AKAP13: variants seen among roughly 807,000 people sequenced by gnomAD.
AKAP13 encodes the protein A-kinase anchoring protein 13, also known as A-kinase anchor protein 13.
In AKAP13, 80 loss-of-function variants were observed where a neutral mutation model predicts 264.5. That is an observed-to-expected ratio of 0.30 (90% CI 0.25 to 0.36). AKAP13 has a LOEUF of 0.36. Ranked by LOEUF, AKAP13 falls within the 10% of genes least tolerant of loss-of-function variation. The probability of loss-of-function intolerance (pLI) is 1.00; values close to 1 mark genes in which losing one functional copy is unlikely to be tolerated. For synonymous variants in AKAP13, 1,380 were observed against 1,250.2 expected, an observed-to-expected ratio of 1.10 and a Z score of -2.19; for missense variants, 3,712 against 3,435.2, an observed-to-expected ratio of 1.08 and a Z score of -2.01.
intron 5 of AKAP13, among the ~76,000 whole-genome samples, chr15:85,560,326 A>G (rs4843069): frequency 1 from 152,062 of 152,062 alleles, 76,031 homozygotes; most frequent in Non-Finnish European, 1. Context: ...TTTTTTTGCA[A>G]AGAGTGGGGG....
chr15:85,509,881 C>CT (rs1368534504), intron 2 of AKAP13, among the ~76,000 whole-genome samples: 1 of 152,234 alleles, frequency 6.6e-6, no homozygotes, highest in Non-Finnish European at 1.5e-5. Context: ...TTTGTAGCCT[C>CT]TGTCACCTCC....
chr15:85,484,835 T>G (rs1223814183), intron 1 of AKAP13, among the ~76,000 whole-genome samples: 1 of 152,242 alleles, frequency 6.6e-6, no homozygotes, highest in East Asian at 1.9e-4. Context: ...TGTTTTTGCA[T>G]GTATGAATGA....
chr15:85,622,432 C>G (rs761742732), intron 8 of AKAP13, among the ~76,000 whole-genome samples: 5 of 152,108 alleles, frequency 3.3e-5, no homozygotes, highest in Non-Finnish European at 5.9e-5. Flanking sequence ...TGGATGGGAG[C>G]ACCTTGAGTG....
chr15:85,554,876 C>G (rs2078086771), intron 5 of AKAP13, among the ~76,000 whole-genome samples: 1 of 152,144 alleles, frequency 6.6e-6, no homozygotes, highest in Non-Finnish European at 1.5e-5. Context: ...AGCTTATGCT[C>G]TAACAATTAC....
chr15:85,449,613 TGA>T (rs2074014315), intron 1 of AKAP13, among the ~76,000 whole-genome samples: 1 of 152,196 alleles, frequency 6.6e-6, no homozygotes, highest in African/African-American at 2.4e-5. Context: ...CCTAGTTTAT[TGA>T]GAGTTTTTAA....
At chr15:85,691,201 A>G (rs535465145) in intron 16 of AKAP13, among the ~76,000 whole-genome samples, 3 of 152,320 alleles carry the variant, frequency 2.0e-5, no homozygotes, top group Non-Finnish European at 2.9e-5. Context: ...GGACATAACA[A>G]TGGTATTGAC....
intron 5 of AKAP13, among the ~76,000 whole-genome samples, chr15:85,549,558 A>G (rs373722550): frequency 1.3e-5 from 2 of 152,210 alleles, no homozygotes; most frequent in African/African-American, 4.8e-5. Flanking sequence ...TGAAATAGGC[A>G]TTATCTGTGT....
intron 2 of AKAP13, among the ~76,000 whole-genome samples, chr15:85,504,616 TG>T (rs1292368691): frequency 7.0e-6 from 1 of 142,874 alleles, no homozygotes; most frequent in African/African-American, 2.7e-5. Flanking sequence ...TGCTCAAGCC[TG>T]GAAGATCGAA....
At position 85,497,096 on chromosome 15, in the gene AKAP13, TC is replaced by T. The variant is rs766216163; in HGVS notation, c.33+11344del. 1.2e-4 allele frequency among the ~76,000 whole-genome samples: 18 copies of T among 152,344 alleles called. 1 individual carries two copies. The East Asian group carries it at 3.5e-3, about 29-fold the overall frequency. ...CAATAACTGGGTGTTTGCCAAGCTA[TC>T]ACATAACAGTGAGGGGATTAAAATT... On this transcript the variant is annotated intron_variant, in intron 2 of 36. Transcript: ENST00000394518.
intron 8 of AKAP13, among the ~76,000 whole-genome samples, chr15:85,606,180 C>T (rs184150527): frequency 2.1e-5 from 3 of 142,186 alleles, no homozygotes; most frequent in Admixed American, 1.5e-4. Context: ...TGGCTCACTG[C>T]AACCTCCGCC....
intron 1 of AKAP13, among the ~76,000 whole-genome samples, chr15:85,383,820 C>A (rs184821486): frequency 6.6e-6 from 1 of 152,166 alleles, no homozygotes; most frequent in Non-Finnish European, 1.5e-5. Flanking sequence ...TTACCTTAGT[C>A]TTGGCAAATA....
intron 1 of AKAP13, among the ~76,000 whole-genome samples, chr15:85,430,329 G>T (rs1195304343): frequency 6.6e-6 from 1 of 152,154 alleles, no homozygotes; most frequent in African/African-American, 2.4e-5. Context: ...GTTATTTTCT[G>T]CCTTATAGTA....
rs1368997410 is a variant in AKAP13 at position 85,579,285 on chromosome 15, A to G, written c.1217A>G (p.Asp406Gly). 1 of 1,614,226 alleles carries G rather than the reference A, an allele frequency of 6.2e-7. No individual in the cohort carries two copies. Residue 406 changes from aspartate (D) to glycine (G), a missense_variant, in exon 7 of 37, where the codon GAT (aspartate) becomes GGT (glycine). Physicochemically the swap from Asp to Gly is moderately conservative, Grantham distance 94. This residue lies in a region of AKAP13 where 2,759 missense variants were observed against 2,411.7 expected (regional missense o/e 1.14). Coordinates refer to ENST00000394518, the MANE Select transcript of AKAP13 (RefSeq NM_007200.5). ...DQDSCLQSLPDCGVKGTEGLS... is the reference protein window; with the variant it reads ...DQDSCLQSLPGCGVKGTEGLS... ...GACAGCTGCCTTCAGAGCTTGCCTG[A>G]TTGTGGAGTAAAGGGCACGGAAGGC...
chr15:85,442,455 TATAATATAC>T (rs1214337711), intron 1 of AKAP13, among the ~76,000 whole-genome samples: 8 of 123,796 alleles, frequency 6.5e-5, no homozygotes, highest in African/African-American at 1.5e-4. Flanking sequence ...AATATACATA[TATAATATAC>T]ATAATATATA....
intron 30 of AKAP13, among the ~76,000 whole-genome samples, chr15:85,730,997 C>CTT (rs71468134): frequency 0.063 from 3,662 of 57,714 alleles, 128 homozygotes; most frequent in East Asian, 0.11. Flanking sequence ...GTCACTTATG[C>CTT]TTTTTTTTTT....
intron 1 of AKAP13, among the ~76,000 whole-genome samples, chr15:85,438,637 A>C (rs2073453652): frequency 6.7e-6 from 1 of 148,988 alleles, no homozygotes; most frequent in Admixed American, 6.7e-5. Context: ...TCAATGGAAC[A>C]GAACAGAGCC....
intron 1 of AKAP13, among the ~76,000 whole-genome samples, chr15:85,474,156 A>G (rs1596291344): frequency 6.6e-6 from 1 of 152,242 alleles, no homozygotes; most frequent in Non-Finnish European, 1.5e-5. Flanking sequence ...ACTCTCCATC[A>G]GCAGGAGTAG....
chr15:85,745,628 CCAGA>C lies in AKAP13; in HGVS notation c.*955_*958del, dbSNP rs1567229310. On this transcript the variant is annotated 3_prime_UTR_variant, in exon 37 of 37. Coordinates refer to ENST00000394518, the MANE Select transcript of AKAP13 (RefSeq NM_007200.5). The stretch of plus-strand genomic sequence containing the variant: ...TTCCTGAGCCCCCGTCGTGCCTCTC[CCAGA>C]CAGCAGCTGTCTGGCCCTTGCTGGG... The C allele has an allele frequency of 6.6e-6, 1 of 152,356 alleles. No homozygotes were observed. The highest frequency in any genetic ancestry group is 1.9e-4 in the East Asian group (1 of 5,174). The allele number at this position is 152,356 out of a possible 1,614,324, so 9.4% of individuals were successfully genotyped here.
At chr15:85,483,392 C>T (rs1482380390) in intron 1 of AKAP13, among the ~76,000 whole-genome samples, 1 of 152,040 alleles carries the variant, frequency 6.6e-6, no homozygotes, top group African/African-American at 2.4e-5. Context: ...TTTGGGAGGC[C>T]GAGGCGGGTG....
Sources: allele counts gnomAD v4.1 joint callset (sites outside exome capture counted in the v4.1 genomes callset), GRCh38; gene constraint gnomAD v4.1.1; regional missense constraint gnomAD v4.1.1; transcripts MANE v1.5; gene names NCBI Gene and HGNC (gene_info 2026-07-23, HGNC 2026-07-21).